Variants in FSHR observed in about 807,000 individuals in gnomAD.
The protein encoded by FSHR is follicle stimulating hormone receptor.
A neutral mutation model predicts 52.1 loss-of-function variants in FSHR; 46 were observed. The observed-to-expected ratio is 0.88, with a 90% CI of 0.70 to 1.13. The LOEUF (loss-of-function observed/expected upper bound fraction) is 1.13. Among genes scored for constraint, FSHR ranks in the 50% most tolerant of loss-of-function variants. The pLI, the probability that FSHR is intolerant of heterozygous loss-of-function variation, is 0.00. For missense variants in FSHR, 964 were observed against 834.6 expected, an observed-to-expected ratio of 1.16 and a Z score of -1.91; for synonymous variants, 399 against 309.6, an observed-to-expected ratio of 1.29 and a Z score of -3.03.
chr2:49,056,445 A>AATATATATATATATAT (rs70946848), intron 2 of FSHR, among the ~76,000 whole-genome samples: 2 of 128,522 alleles, frequency 1.6e-5, no homozygotes, highest in Non-Finnish European at 1.6e-5. Flanking sequence ...TTACAATTGG[A>AATATATATATATATAT]ATATATATAT....
chr2:49,128,760 T>C (rs1285210749), intron 1 of FSHR, among the ~76,000 whole-genome samples: 1 of 152,108 alleles, frequency 6.6e-6, no homozygotes, highest in Non-Finnish European at 1.5e-5. Context: ...AATGAGTCTC[T>C]GATTCAGACA....
At position 49,127,751 on chromosome 2, in the gene FSHR, T is replaced by TTTCTTCTTC. The variant is rs1345639633; in HGVS notation, c.152+26506_152+26514dup. Among the ~76,000 whole-genome samples the TTTCTTCTTC allele has an allele frequency of 2.6e-3, 198 of 77,514 alleles. 14 individuals are homozygous for TTTCTTCTTC. The highest frequency in any genetic ancestry group is 4.3e-3 in the East Asian group (9 of 2,098). The allele number at this position is 77,514 out of a possible 152,430, so 50.9% of individuals were successfully genotyped here. On this transcript the variant is annotated intron_variant, in intron 1 of 9. Transcript: ENST00000406846. ...ATTTGTGCATGATTTCTTCTTCTTC[T>TTTCTTCTTC]TTCTTCTTCTTCTTCTTCTTCTTCT...
intron 1 of FSHR, among the ~76,000 whole-genome samples, chr2:49,075,734 C>T (rs1455647954): frequency 3.3e-5 from 5 of 151,854 alleles, no homozygotes; most frequent in African/African-American, 1.2e-4. Flanking sequence ...CTTAATTGAT[C>T]CTGCCCCCTC....
chr2:48,962,240 A>G lies in FSHR; in HGVS notation c.*493T>C, dbSNP rs1254018914. 2 of 197,912 alleles carry G rather than the reference A, an allele frequency of 1.0e-5. No individual in the cohort carries two copies. Among genetic ancestry groups the G allele is most frequent in the Non-Finnish European group, 2.1e-5 (2 of 96,078 alleles). 12.3% of individuals were successfully genotyped at this position (197,912 alleles called of 1,614,324 possible). ...TACAAAGGCTTCAGATGGGTGTTCA[A>G]TTAATATTTGTTGAATGAATGAATG... On this transcript the variant is annotated 3_prime_UTR_variant, in exon 10 of 10. Transcript: ENST00000406846.
At chr2:48,994,709 T>C (rs1211302095) in intron 4 of FSHR, among the ~76,000 whole-genome samples, 1 of 152,194 alleles carries the variant, frequency 6.6e-6, no homozygotes, top group Non-Finnish European at 1.5e-5. Context: ...GACTGTTTGC[T>C]GCAAAATTAT....
chr2:49,100,571 G>A (rs971947399), intron 1 of FSHR, among the ~76,000 whole-genome samples: 2 of 152,136 alleles, frequency 1.3e-5, no homozygotes, highest in Admixed American at 1.3e-4. Context: ...CTTCCTACCT[G>A]GATGAGATGC....
rs1558456760 is a variant in FSHR at position 49,127,840 on chromosome 2, T to C, written c.152+26426A>G. Among the ~76,000 whole-genome samples the C allele has an allele frequency of 9.1e-4, 15 of 16,522 alleles. 1 individual carries two copies. The highest frequency in any genetic ancestry group is 4.8e-3 in the African/African-American group (12 of 2,512). The allele number at this position is 16,522 out of a possible 152,430, so 10.8% of individuals were successfully genotyped here. A position where few individuals can be genotyped will look rare whatever the true frequency, so the allele number is the denominator to read the frequency against. ...TTCTTCTTCTTCTTCCTCTTCTTCT[T>C]CTTCTTCTTCTTCTTCTTCTTCTTC... On this transcript the variant is annotated intron_variant, in intron 1 of 9. Coordinates refer to ENST00000406846, the MANE Select transcript of FSHR (RefSeq NM_000145.4).
intron 6 of FSHR, among the ~76,000 whole-genome samples, chr2:48,985,708 T>TTG (rs1409078763): frequency 8.8e-5 from 12 of 136,630 alleles, no homozygotes; most frequent in African/African-American, 3.1e-4. Context: ...TTTTTTTTTT[T>TTG]TTTTTTTTTT....
At chr2:49,126,799 G>T (rs10199118) in intron 1 of FSHR, among the ~76,000 whole-genome samples, 38,103 of 152,084 alleles carry the variant, frequency 0.25, 5,148 homozygotes, top group East Asian at 0.47. Context: ...CTAATCTTGG[G>T]CTCACTCCTT....
intron 1 of FSHR, among the ~76,000 whole-genome samples, chr2:49,115,862 T>A (rs17038285): frequency 0.22 from 33,159 of 152,042 alleles, 4,352 homozygotes; most frequent in East Asian, 0.47. Flanking sequence ...CAAGAGGGAA[T>A]ACTGCAATTT....
chr2:49,019,516 T>A, intron 3 of FSHR, among the ~76,000 whole-genome samples: 1 of 152,182 alleles, frequency 6.6e-6, no homozygotes. Flanking sequence ...GCTGGAGTAG[T>A]AGAGGAACCA....
intron 2 of FSHR, among the ~76,000 whole-genome samples, chr2:49,021,863 C>CTCTCTCTCTATATATATATATA (rs1467766420): frequency 4.0e-5 from 2 of 49,872 alleles, no homozygotes; most frequent in African/African-American, 8.2e-5. Context: ...CTCTCTCTCT[C>CTCTCTCTCTATATATATATATA]TATATATATA....
At position 48,962,642 on chromosome 2, in the gene FSHR, G is replaced by T. The variant is rs886135373; in HGVS notation, c.*91C>A. The T allele has an allele frequency of 3.9e-6, 5 of 1,284,252 alleles. No homozygotes were observed. The highest frequency in any genetic ancestry group is 5.6e-6 in the Non-Finnish European group (5 of 888,364). The allele number at this position is 1,284,252 out of a possible 1,614,324, so 79.6% of individuals were successfully genotyped here. ...CCAGGAATATTAAATTAGATGAAATGTGTAGAAGCACTGTCAGCTCTTTGT... is the reference window on the plus strand; with the variant it reads ...CCAGGAATATTAAATTAGATGAAATTTGTAGAAGCACTGTCAGCTCTTTGT... On this transcript the variant is annotated 3_prime_UTR_variant, in exon 10 of 10. Transcript: ENST00000406846.
At position 49,093,011 on chromosome 2, in the gene FSHR, C is replaced by T. The variant is rs534390513; in HGVS notation, c.153-24721G>A. Among the ~76,000 whole-genome samples, 68 of 152,294 alleles carry T rather than the reference C, an allele frequency of 4.5e-4. 1 individual carries two copies. Among genetic ancestry groups the T allele is most frequent in the African/African-American group, 1.6e-3 (66 of 41,576 alleles). On this transcript the variant is annotated intron_variant, in intron 1 of 9. Transcript: ENST00000406846. ...AGTCTTGCATTCTTGGAATAAACCC[C>T]ATTTGATCATTGTGAATAATTCTTA...
chr2:48,986,393 CTTTTTTTTT>C (rs34394877), intron 6 of FSHR, among the ~76,000 whole-genome samples: 5 of 124,074 alleles, frequency 4.0e-5, no homozygotes, highest in African/African-American at 6.1e-5. Context: ...ATTTGCCATG[CTTTTTTTTT>C]TTTTTTTTTC....
At chr2:49,025,151 C>A (rs1168015613) in intron 2 of FSHR, among the ~76,000 whole-genome samples, 2 of 152,148 alleles carry the variant, frequency 1.3e-5, no homozygotes, top group African/African-American at 2.4e-5. Context: ...ATTGTGTATT[C>A]GCACAGGAGG....
chr2:49,110,546 G>A (rs1671385857), intron 1 of FSHR, among the ~76,000 whole-genome samples: 1 of 152,148 alleles, frequency 6.6e-6, no homozygotes, highest in African/African-American at 2.4e-5. Context: ...CTAGTTGTTA[G>A]TTGACTACAT....
At chr2:49,137,567 C>G (rs1490474655) in intron 1 of FSHR, among the ~76,000 whole-genome samples, 1 of 151,962 alleles carries the variant, frequency 6.6e-6, no homozygotes, top group Non-Finnish European at 1.5e-5. Flanking sequence ...GAGGATTGTA[C>G]TTCTGACTTC....
intron 1 of FSHR, among the ~76,000 whole-genome samples, chr2:49,083,041 T>A (rs1279252796): frequency 1.3e-5 from 2 of 150,712 alleles, no homozygotes; most frequent in African/African-American, 4.9e-5. Flanking sequence ...GATACATAAT[T>A]GTCAGATTCA....
Sources: allele counts gnomAD v4.1 joint callset (sites outside exome capture counted in the v4.1 genomes callset), GRCh38; gene constraint gnomAD v4.1.1; transcripts MANE v1.5; gene names NCBI Gene and HGNC (gene_info 2026-07-23, HGNC 2026-07-21).